Variants in TLK1 observed in about 807,000 individuals in gnomAD.
TLK1 encodes the protein serine/threonine-protein kinase tousled-like 1.
Under a neutral mutation model 105.3 loss-of-function variants are expected in TLK1, and 24 were observed. That is an observed-to-expected ratio of 0.23 (90% CI 0.17 to 0.32). The LOEUF is 0.32. Ranked by LOEUF, TLK1 falls within the 10% of genes least tolerant of loss-of-function variation. The probability of loss-of-function intolerance (pLI) is 1.00; values close to 1 mark genes in which losing one functional copy is unlikely to be tolerated. For missense variants in TLK1, 558 were observed against 910.5 expected (o/e 0.61, Z 4.98); for synonymous variants, 321 against 310.4 (o/e 1.03, Z -0.36).
intron 1 of TLK1, among the ~76,000 whole-genome samples, chr2:171,129,266 C>T (rs1690999327): frequency 6.6e-6 from 1 of 152,142 alleles, no homozygotes; most frequent in African/African-American, 2.4e-5. Flanking sequence ...GTCCCAATAC[C>T]TCCTTGTCTC....
chr2:170,999,927 T>C (rs1684278128), intron 18 of TLK1, among the ~76,000 whole-genome samples: 1 of 152,052 alleles, frequency 6.6e-6, no homozygotes, highest in African/African-American at 2.4e-5. Flanking sequence ...CCTGGCTAAT[T>C]TTTTTAAAAA....
intron 1 of TLK1, among the ~76,000 whole-genome samples, chr2:171,130,991 T>G (rs935942846): frequency 4.7e-5 from 7 of 149,896 alleles, no homozygotes; most frequent in African/African-American, 1.7e-4. Context: ...ATTTTAAGAT[T>G]CTAATAATAA....
At chr2:171,128,570 T>C (rs1458508538) in intron 1 of TLK1, among the ~76,000 whole-genome samples, 1 of 152,220 alleles carries the variant, frequency 6.6e-6, no homozygotes, top group Non-Finnish European at 1.5e-5. Context: ...CCTTCTAGCT[T>C]TCTTCCTGGG....
intron 3 of TLK1, among the ~76,000 whole-genome samples, chr2:171,074,889 T>G (rs1688432361): frequency 6.6e-6 from 1 of 151,602 alleles, no homozygotes; most frequent in Non-Finnish European, 1.5e-5. Context: ...TTAAAGAGAG[T>G]TAGTCAAAAG....
intron 3 of TLK1, among the ~76,000 whole-genome samples, chr2:171,075,877 G>T (rs973619073): frequency 6.6e-6 from 1 of 152,178 alleles, no homozygotes; most frequent in Non-Finnish European, 1.5e-5. Flanking sequence ...TTGACTATGT[G>T]CCCTGAAGTT....
At chr2:171,126,656 A>T (rs1318512600) in intron 1 of TLK1, among the ~76,000 whole-genome samples, 6 of 152,068 alleles carry the variant, frequency 3.9e-5, no homozygotes, top group Non-Finnish European at 8.8e-5. Flanking sequence ...TTTCACTAAG[A>T]GCTTTCTAAT....
chr2:171,082,074 T>C (rs1688780529), intron 3 of TLK1, among the ~76,000 whole-genome samples: 1 of 151,524 alleles, frequency 6.6e-6, no homozygotes, highest in South Asian at 2.1e-4. Context: ...AGACCTGTTA[T>C]CATCCAAGGA....
chr2:171,040,568 G>GTTTTTTTTTTTTTTTTTTTTTTTTTTT (rs59971440), intron 11 of TLK1, among the ~76,000 whole-genome samples: 1 of 104,308 alleles, frequency 9.6e-6, no homozygotes, highest in Non-Finnish European at 2.0e-5. Flanking sequence ...TTCCTTTTTT[G>GTTTTTTTTTTTTTTTTTTTTTTTTTTT]TTTTTTTTTT....
At chr2:171,202,407 G>A (rs1200434153) in intron 1 of TLK1, among the ~76,000 whole-genome samples, 2 of 151,450 alleles carry the variant, frequency 1.3e-5, no homozygotes, top group Non-Finnish European at 2.9e-5. Context: ...AGCCGGGATC[G>A]CGCCATTGCA....
At chr2:171,123,034 A>T (rs928940086) in intron 1 of TLK1, among the ~76,000 whole-genome samples, 5 of 140,346 alleles carry the variant, frequency 3.6e-5, no homozygotes, top group African/African-American at 1.4e-4. Context: ...AGAAGACCCT[A>T]TATGAAAAAA....
chr2:171,194,097 A>T (rs914453387), intron 1 of TLK1, among the ~76,000 whole-genome samples: 4 of 152,152 alleles, frequency 2.6e-5, no homozygotes, highest in African/African-American at 9.7e-5. Flanking sequence ...GCTAAAAGCA[A>T]ATGGCTTACA....
intron 1 of TLK1, among the ~76,000 whole-genome samples, chr2:171,171,249 C>T (rs1003998402): frequency 2.9e-4 from 44 of 151,812 alleles, no homozygotes; most frequent in Non-Finnish European, 1.3e-4. Flanking sequence ...GCCTGTAATC[C>T]CAGCACTTTG....
chr2:171,014,874 T>C lies in TLK1; in HGVS notation c.1311A>G (p.Arg437=), dbSNP rs763045182. Residue 437 remains arginine, a synonymous_variant, in exon 13 of 21, where the codon AGA becomes AGG. Transcript: ENST00000431350. The stretch of plus-strand genomic sequence containing the variant: ...ACTGTGAATTATCTTCATTGTTTAT[T>C]CTTTTCAGCTCACGTATGTGAAGAT... ...VRNLHIRELK[R]INNEDNSQFK... 1 of 1,613,524 alleles carries C rather than the reference T, an allele frequency of 6.2e-7. No individual in the cohort carries two copies. Among genetic ancestry groups the C allele is most frequent in the Non-Finnish European group, 8.5e-7 (1 of 1,179,540 alleles).
At chr2:171,225,566 C>A (rs529213091) in intron 1 of TLK1, among the ~76,000 whole-genome samples, 8 of 152,176 alleles carry the variant, frequency 5.3e-5, no homozygotes, top group Non-Finnish European at 1.0e-4. Flanking sequence ...TCTTGTAGTT[C>A]TTTAAAAACT....
At chr2:171,089,525 G>C (rs189932742) in intron 2 of TLK1, among the ~76,000 whole-genome samples, 2 of 152,080 alleles carry the variant, frequency 1.3e-5, no homozygotes, top group African/African-American at 2.4e-5. Flanking sequence ...CTATTTTAAC[G>C]ATCAACTCTT....
At chr2:171,230,436 G>C (rs1693974619) in intron 1 of TLK1, among the ~76,000 whole-genome samples, 1 of 152,096 alleles carries the variant, frequency 6.6e-6, no homozygotes, top group South Asian at 2.1e-4. Flanking sequence ...CAGGGAAATA[G>C]CTGACACCAC....
At chr2:170,998,021 T>C (rs2105351014) in intron 18 of TLK1, among the ~76,000 whole-genome samples, 198 bp from the exon 19 acceptor site, 1 of 152,294 alleles carries the variant, frequency 6.6e-6, no homozygotes, top group Admixed American at 6.5e-5. Flanking sequence ...TACAACATTG[T>C]GATAAAGTTC....
chr2:171,222,644 G>C (rs769762912), intron 1 of TLK1, among the ~76,000 whole-genome samples: 1 of 151,874 alleles, frequency 6.6e-6, no homozygotes, highest in Non-Finnish European at 1.5e-5. Context: ...ATATTTATGG[G>C]GGACATGTGA....
intron 1 of TLK1, among the ~76,000 whole-genome samples, chr2:171,181,046 A>C (rs1457847706): frequency 6.6e-6 from 1 of 152,210 alleles, no homozygotes; most frequent in Non-Finnish European, 1.5e-5. Flanking sequence ...TTGTATAATG[A>C]ACAAAAACAA....
Sources: allele counts gnomAD v4.1 joint callset (sites outside exome capture counted in the v4.1 genomes callset), GRCh38; gene constraint gnomAD v4.1.1; transcripts MANE v1.5; gene names NCBI Gene and HGNC (gene_info 2026-07-23, HGNC 2026-07-21).